Variants in SLC38A8 observed in about 807,000 individuals in gnomAD.
The protein encoded by SLC38A8 is solute carrier family 38 member 8, also known as amino acid transporter SLC38A8.
Under a neutral mutation model 46.0 loss-of-function variants are expected in SLC38A8, and 65 were observed. The observed-to-expected ratio is 1.41, with a 90% CI of 1.16 to 1.74. The LOEUF is 1.74. SLC38A8 is among the 40% of genes most tolerant of loss of function. The pLI is 0.00. For missense variants in SLC38A8, 998 were observed against 567.9 expected, an observed-to-expected ratio of 1.76 and a Z score of -7.70; for synonymous variants, 447 against 243.7, an observed-to-expected ratio of 1.83 and a Z score of -7.77.
chr16:84,009,768 C>G lies in SLC38A8; in HGVS notation c.*16G>C, dbSNP rs745852409. The G allele has an allele frequency of 1.9e-6, 3 of 1,610,536 alleles. No individual in the cohort carries two copies. The highest frequency in any genetic ancestry group is 1.7e-6 in the Non-Finnish European group (2 of 1,178,386). On this transcript the variant is annotated 3_prime_UTR_variant, in exon 11 of 11. Transcript: ENST00000299709. ...AGCCCCCGGAGGGCCCCTTCCTGCC[C>G]GGCACTAGCTGCCCATCAGAACATC... is the stretch of plus-strand genomic sequence containing the variant.
chr16:84,031,660 G>A (rs922534147), intron 5 of SLC38A8, among the ~76,000 whole-genome samples: 5 of 152,180 alleles, frequency 3.3e-5, no homozygotes, highest in East Asian at 1.9e-4. Context: ...GGCCTGTCCC[G>A]GTCATCGCTA....
intron 2 of SLC38A8, among the ~76,000 whole-genome samples, chr16:84,040,871 G>A (rs908527881): frequency 3.3e-5 from 5 of 152,348 alleles, no homozygotes; most frequent in Admixed American, 3.3e-4. Context: ...CATGAGGACA[G>A]GGACCACACT....
At chr16:84,042,481 C>G (rs947107365) in intron 1 of SLC38A8, 70 bp downstream of exon 1, 9 of 237,388 alleles carry the variant, frequency 3.8e-5, no homozygotes, top group African/African-American at 1.8e-4. Context: ...TCTCTCCCCC[C>G]ATTCCCATCC....
intron 10 of SLC38A8, among the ~76,000 whole-genome samples, chr16:84,012,464 G>A (rs972949398): frequency 2.0e-5 from 3 of 152,180 alleles, no homozygotes; most frequent in Non-Finnish European, 4.4e-5. Flanking sequence ...TGGGAGCCAG[G>A]GGCCTGGGTT....
chr16:84,022,913 C>T, intron 6 of SLC38A8, 24 bp from the exon 7 acceptor site: 1 of 1,532,804 alleles, frequency 6.5e-7, no homozygotes, highest in Non-Finnish European at 8.8e-7. Context: ...GGCGGCTCAG[C>T]AGGATGCTGG....
At chr16:84,037,049 T>C (rs2085308653) in intron 2 of SLC38A8, 149 bp from the exon 3 acceptor site, 3 of 764,288 alleles carry the variant, frequency 3.9e-6, no homozygotes, top group South Asian at 1.7e-5. Flanking sequence ...CTACCAGCTA[T>C]GTCACTGCAC....
chr16:84,015,416 G>T (rs1597250536), intron 9 of SLC38A8, among the ~76,000 whole-genome samples: 2 of 152,168 alleles, frequency 1.3e-5, no homozygotes, highest in East Asian at 1.9e-4. Flanking sequence ...AGGCAGGAGG[G>T]AAGGGAGACA....
upstream of SLC38A8, among the ~76,000 whole-genome samples, chr16:84,043,027 C>T (rs546611270): frequency 7.2e-5 from 11 of 152,120 alleles, no homozygotes; most frequent in African/African-American, 1.9e-4. Context: ...ACGGAGGGGG[C>T]GTGAAAAGTG....
In SLC38A8 at chr16:84,036,912, G is replaced by T; in HGVS notation, c.190-12C>A. On this transcript the variant is annotated splice_polypyrimidine_tract_variant and intron_variant, in intron 2 of 10. Transcript: ENST00000299709. Reference sequence around the variant, plus strand: ...AAGACCAACGAGACCTGCGGAGAAGGAGCAGGACCTGGAACTGGGGTGTGC... The same window carrying T: ...AAGACCAACGAGACCTGCGGAGAAGTAGCAGGACCTGGAACTGGGGTGTGC... The T allele has an allele frequency of 1.2e-6, 2 of 1,603,404 alleles. No homozygotes were observed. Among genetic ancestry groups the T allele is most frequent in the South Asian group, 2.2e-5 (2 of 89,736 alleles).
chr16:84,025,522 G>A (rs537843481), intron 6 of SLC38A8, among the ~76,000 whole-genome samples: 28 of 152,218 alleles, frequency 1.8e-4, no homozygotes, highest in Non-Finnish European at 3.7e-4. Flanking sequence ...CGACAACAAC[G>A]ACCAAGTCTG....
chr16:84,031,780 A>T (rs2085241610), intron 5 of SLC38A8, 87 bp downstream of exon 5: 1 of 1,143,336 alleles, frequency 8.7e-7, no homozygotes, highest in Admixed American at 1.8e-5. Flanking sequence ...GTGAGCCACG[A>T]GAGGCTCCTC....
intron 7 of SLC38A8, among the ~76,000 whole-genome samples, chr16:84,019,488 G>C (rs368069676): frequency 3.3e-5 from 5 of 152,142 alleles, no homozygotes; most frequent in South Asian, 2.1e-4. Context: ...CGCTGCTCTC[G>C]ACAGCTTCTT....
chr16:84,014,319 G>A (rs1284759781), intron 9 of SLC38A8, among the ~76,000 whole-genome samples: 3 of 148,694 alleles, frequency 2.0e-5, no homozygotes, highest in Non-Finnish European at 4.5e-5. Context: ...GGAGCTGCGT[G>A]GCCACACCCT....
rs1390306170 is a variant in SLC38A8, at chr16:84,042,470, C to T, written c.-3+81G>A. The T allele has an allele frequency of 5.8e-5, 15 of 259,266 alleles. No homozygotes were observed. In the East Asian group the frequency reaches 1.2e-3, roughly 20 times the overall value. 16.1% of individuals were successfully genotyped at this position (259,266 alleles called of 1,614,324 possible). On this transcript the variant is annotated intron_variant, in intron 1 of 10. Coordinates refer to ENST00000299709, the MANE Select transcript of SLC38A8 (RefSeq NM_001080442.3). ...CCAACCTTCCTCATCCCCATCAATC[C>T]TCTCTCCCCCCATTCCCATCCACTC...
At chr16:84,010,909 G>C (rs1358493611) in intron 10 of SLC38A8, among the ~76,000 whole-genome samples, 1 of 152,162 alleles carries the variant, frequency 6.6e-6, no homozygotes, top group Non-Finnish European at 1.5e-5. Context: ...GGACGCAGGA[G>C]GCAGAGGTGG....
intron 5 of SLC38A8, among the ~76,000 whole-genome samples, chr16:84,029,769 AAC>A (rs746025983): frequency 6.6e-6 from 1 of 152,214 alleles, no homozygotes; most frequent in Non-Finnish European, 1.5e-5. Flanking sequence ...GACATTTGGT[AAC>A]ATGACATTTT....
rs2085109618 is a variant in SLC38A8 at position 84,022,761 on chromosome 16, G to C, written c.805+14C>G. The stretch of plus-strand genomic sequence containing the variant: ...CTCCCCACCCTCTGCAGGGGTGCCT[G>C]GGAAGGGCCTTACCCGTCAGTGAAT... On this transcript the variant is annotated intron_variant, in intron 7 of 10. Transcript: ENST00000299709. 1 of 1,609,474 alleles carries C rather than the reference G, an allele frequency of 6.2e-7. No individual in the cohort carries two copies. Among genetic ancestry groups the C allele is most frequent in the African/African-American group, 1.3e-5 (1 of 74,826 alleles).
chr16:84,042,426 CCT>C (rs2151131998), intron 1 of SLC38A8, 123 bp downstream of exon 1: 1 of 353,742 alleles, frequency 2.8e-6, no homozygotes, highest in Admixed American at 4.4e-5. Context: ...CTTCCCCCTC[CCT>C]CTCTTCTCCC....
intron 7 of SLC38A8, among the ~76,000 whole-genome samples, chr16:84,020,861 C>T (rs2085086884): frequency 6.6e-6 from 1 of 152,180 alleles, no homozygotes; most frequent in Non-Finnish European, 1.5e-5. Flanking sequence ...CCTTGGTTTC[C>T]TATACGCGCT....
Sources: allele counts gnomAD v4.1 joint callset (sites outside exome capture counted in the v4.1 genomes callset), GRCh38; gene constraint gnomAD v4.1.1; transcripts MANE v1.5; gene names NCBI Gene and HGNC (gene_info 2026-07-23, HGNC 2026-07-21).